GRM8: variants seen among roughly 807,000 people sequenced by gnomAD.
GRM8 encodes the protein metabotropic glutamate receptor 8.
A neutral mutation model predicts 87.2 loss-of-function variants in GRM8; 47 were observed. That is an observed-to-expected ratio of 0.54 (90% confidence interval 0.43 to 0.69). The LOEUF is 0.69. GRM8 is among the 30% of genes least tolerant of loss of function. GRM8 has a pLI of 0.00. For missense variants in GRM8, 1,019 were observed against 1,139.2 expected (o/e 0.89, Z 1.52); for synonymous variants, 396 against 404.5 (o/e 0.98, Z 0.25).
At chr7:126,865,212 G>A (rs1798485693) in intron 6 of GRM8, among the ~76,000 whole-genome samples, 1 of 152,010 alleles carries the variant, frequency 6.6e-6, no homozygotes. Flanking sequence ...TATAAAACTT[G>A]GTGATTTATC....
At chr7:126,750,941 A>G (rs1471006424) in intron 7 of GRM8, among the ~76,000 whole-genome samples, 1 of 152,144 alleles carries the variant, frequency 6.6e-6, no homozygotes, top group African/African-American at 2.4e-5. Context: ...GTGATTCTTC[A>G]AAGTCACAAA....
intron 8 of GRM8, among the ~76,000 whole-genome samples, chr7:126,601,226 C>A (rs1167939712): frequency 6.6e-6 from 1 of 151,906 alleles, no homozygotes; most frequent in African/African-American, 2.4e-5. Flanking sequence ...ATGATGATTT[C>A]CAATTTCATC....
intron 3 of GRM8, among the ~76,000 whole-genome samples, chr7:127,000,271 A>G (rs1420144749): frequency 6.6e-6 from 1 of 151,606 alleles, no homozygotes; most frequent in African/African-American, 2.4e-5. Context: ...TGGGGCAGGG[A>G]GTGGGAATTG....
chr7:127,199,952 C>T lies in GRM8; in HGVS notation c.510+42743G>A, dbSNP rs144475122. ...GATATATGTCAAATAACCAGCAGTGCTTTAAGTTACTTGTAGAAGTATTTA... is the reference window on the plus strand; with the variant it reads ...GATATATGTCAAATAACCAGCAGTGTTTTAAGTTACTTGTAGAAGTATTTA... On this transcript the variant is annotated intron_variant, in intron 2 of 10. Transcript: ENST00000339582. Among the ~76,000 whole-genome samples the T allele has an allele frequency of 3.2e-3, 483 of 152,216 alleles. 4 individuals are homozygous for T. Among genetic ancestry groups the T allele is most frequent in the African/African-American group, 0.011 (453 of 41,538 alleles).
At chr7:126,826,958 T>C (rs1315012655) in intron 6 of GRM8, among the ~76,000 whole-genome samples, 1 of 152,248 alleles carries the variant, frequency 6.6e-6, no homozygotes, top group East Asian at 1.9e-4. Context: ...CCAGCACCGT[T>C]TATTAAATAG....
intron 2 of GRM8, among the ~76,000 whole-genome samples, chr7:127,148,801 G>A (rs1828690408): frequency 6.6e-6 from 1 of 152,042 alleles, no homozygotes; most frequent in Admixed American, 6.6e-5. Flanking sequence ...ACACAGCATA[G>A]TAATTTTTGT....
chr7:126,475,073 G>A (rs759193849), intron 9 of GRM8, among the ~76,000 whole-genome samples: 4 of 152,044 alleles, frequency 2.6e-5, no homozygotes, highest in Non-Finnish European at 5.9e-5. Flanking sequence ...TGAGGAACAA[G>A]ACAAGGGTGC....
rs142913513 is a variant in GRM8 at position 126,725,667 on chromosome 7, C to T, written c.1357+44198G>A. Among the ~76,000 whole-genome samples, 426 of 152,196 alleles carry T rather than the reference C, an allele frequency of 2.8e-3. 6 individuals carry two copies. The highest frequency in any genetic ancestry group is 9.7e-3 in the African/African-American group (404 of 41,536). On this transcript the variant is annotated intron_variant, in intron 7 of 10. Transcript: ENST00000339582. ...CACTGCAATAAATAAATATCTGGGACTGGGTAATTTAAAAAGAAAAGGGGT... is the reference window on the plus strand; with the variant it reads ...CACTGCAATAAATAAATATCTGGGATTGGGTAATTTAAAAAGAAAAGGGGT...
chr7:127,205,740 T>C (rs2116592633), intron 2 of GRM8, among the ~76,000 whole-genome samples: 1 of 152,292 alleles, frequency 6.6e-6, no homozygotes, highest in Non-Finnish European at 1.5e-5. Context: ...GGCCCTATGG[T>C]TCTGTTTGTG....
At chr7:127,006,594 G>T (rs1814332820) in intron 3 of GRM8, among the ~76,000 whole-genome samples, 1 of 152,000 alleles carries the variant, frequency 6.6e-6, no homozygotes, top group Admixed American at 6.6e-5. Context: ...TCTCTCAAGA[G>T]TATTAACTTA....
At chr7:126,555,875 C>T (rs1793082494) in intron 8 of GRM8, among the ~76,000 whole-genome samples, 1 of 152,114 alleles carries the variant, frequency 6.6e-6, no homozygotes, top group Admixed American at 6.5e-5. Flanking sequence ...TGCTAATGCC[C>T]ATGAAAAGAA....
chr7:126,479,386 T>C (rs976005007), intron 9 of GRM8, among the ~76,000 whole-genome samples: 32 of 152,112 alleles, frequency 2.1e-4, no homozygotes, highest in Admixed American at 1.4e-3. Flanking sequence ...TCCATGAGCC[T>C]TCCCCTAGCC....
chr7:127,073,029 G>A (rs1193458819), intron 3 of GRM8, among the ~76,000 whole-genome samples: 1 of 151,842 alleles, frequency 6.6e-6, no homozygotes, highest in Non-Finnish European at 1.5e-5. Flanking sequence ...ACTCTCAGAG[G>A]AGGGGAGAGA....
intron 2 of GRM8, among the ~76,000 whole-genome samples, chr7:127,204,752 T>A (rs1251571225): frequency 6.6e-6 from 1 of 152,210 alleles, no homozygotes; most frequent in Non-Finnish European, 1.5e-5. Flanking sequence ...CATTTCTTTG[T>A]TACTGAGAGC....
At chr7:126,473,776 A>G (rs140172863) in intron 9 of GRM8, among the ~76,000 whole-genome samples, 6 of 152,174 alleles carry the variant, frequency 3.9e-5, no homozygotes, top group Non-Finnish European at 8.8e-5. Flanking sequence ...GAGGTAATTT[A>G]ATCATGGGGG....
intron 3 of GRM8, among the ~76,000 whole-genome samples, chr7:126,938,838 G>A (rs547183012): frequency 7.9e-5 from 12 of 152,112 alleles, no homozygotes; most frequent in Non-Finnish European, 1.8e-4. Context: ...AAATCACATA[G>A]TATACAGGCA....
At chr7:126,801,759 G>C (rs1039456443) in intron 6 of GRM8, among the ~76,000 whole-genome samples, 2 of 152,030 alleles carry the variant, frequency 1.3e-5, no homozygotes, top group Non-Finnish European at 2.9e-5. Context: ...AAGGTAAGTA[G>C]AGAGGGCTCA....
intron 2 of GRM8, among the ~76,000 whole-genome samples, chr7:127,149,750 A>C (rs1413552086): frequency 2.0e-5 from 3 of 152,082 alleles, no homozygotes; most frequent in Non-Finnish European, 4.4e-5. Flanking sequence ...ACAAGATTCT[A>C]CTTGCCACGA....
intron 2 of GRM8, among the ~76,000 whole-genome samples, chr7:127,206,514 T>C (rs943025493): frequency 6.6e-6 from 1 of 152,116 alleles, no homozygotes; most frequent in Non-Finnish European, 1.5e-5. Context: ...TTCTGATATA[T>C]ATGAAAATGG....
Sources: allele counts gnomAD v4.1 joint callset (sites outside exome capture counted in the v4.1 genomes callset), GRCh38; gene constraint gnomAD v4.1.1; transcripts MANE v1.5; gene names NCBI Gene and HGNC (gene_info 2026-07-23, HGNC 2026-07-21).